Variants in ASXL3 observed in about 807,000 individuals in gnomAD.
The protein encoded by ASXL3 is putative Polycomb group protein ASXL3.
In ASXL3, 34 loss-of-function variants were observed where a neutral mutation model predicts 170.6. The ratio of observed to expected loss-of-function variants is 0.20; its 90% CI spans 0.15 to 0.27. The LOEUF (loss-of-function observed/expected upper bound fraction) is 0.27. Among genes scored for constraint, ASXL3 ranks in the 10% least tolerant of loss-of-function variants. ASXL3 has a pLI of 1.00. For synonymous variants in ASXL3, 1,002 were observed against 989.1 expected (o/e 1.01, Z -0.24); for missense variants, 2,592 against 2,695.3 (o/e 0.96, Z 0.85).
intron 4 of ASXL3, among the ~76,000 whole-genome samples, chr18:33,659,921 GT>G (rs1426182419): frequency 6.6e-6 from 1 of 152,068 alleles, no homozygotes; most frequent in Non-Finnish European, 1.5e-5. Flanking sequence ...ACAATTCTAA[GT>G]TTTTCCTTGT....
chr18:33,695,592 C>T (rs539358356), intron 8 of ASXL3, among the ~76,000 whole-genome samples: 19 of 152,222 alleles, frequency 1.2e-4, no homozygotes, highest in Non-Finnish European at 2.4e-4. Context: ...TGTAAAATAA[C>T]TATAGACTCA....
chr18:33,735,093 T>C (rs949691756), intron 10 of ASXL3, among the ~76,000 whole-genome samples: 1 of 152,204 alleles, frequency 6.6e-6, no homozygotes, highest in East Asian at 1.9e-4. Context: ...GAACTTACTA[T>C]TGACGGTCAC....
At chr18:33,656,040 A>T (rs2066079351) in intron 4 of ASXL3, among the ~76,000 whole-genome samples, 1 of 151,984 alleles carries the variant, frequency 6.6e-6, no homozygotes, top group Non-Finnish European at 1.5e-5. Flanking sequence ...AGTGATTGGC[A>T]TGAGGGAAAG....
chr18:33,595,632 TCTCCCATC>T (rs950517420), intron 1 of ASXL3, among the ~76,000 whole-genome samples: 4 of 152,184 alleles, frequency 2.6e-5, no homozygotes, highest in African/African-American at 9.7e-5. Flanking sequence ...TAACTAGGAC[TCTCCCATC>T]CTCTCTCTGC....
rs539679835 is a variant in ASXL3 at position 33,680,378 on chromosome 18, G to A, written c.716-3027G>A. Among the ~76,000 whole-genome samples, 36 of 152,058 alleles carry A rather than the reference G, an allele frequency of 2.4e-4. 1 individual carries two copies. The South Asian group carries it at 3.9e-3, about 17-fold the overall frequency. On this transcript the variant is annotated intron_variant, in intron 7 of 11. Coordinates refer to ENST00000269197, the MANE Select transcript of ASXL3 (RefSeq NM_030632.3). The stretch of plus-strand genomic sequence containing the variant: ...TTGAGACTCACTGGACAGTTGTGTT[G>A]TGTTTTGTTTTCTTGCTGCTTTTGA...
chr18:33,724,162 AT>A (rs34247823), intron 8 of ASXL3, among the ~76,000 whole-genome samples: 2 of 152,032 alleles, frequency 1.3e-5, no homozygotes, highest in East Asian at 3.9e-4. Context: ...CCTGTATAAC[AT>A]TTTTTATTGA....
rs1599584169 is a variant in ASXL3, at chr18:33,749,335, A to G, written c.*2740A>G. Reference sequence around the variant, plus strand: ...GCAAATGTAGTATATTATTTACTACATGGTTATTGTGGTGTAGTGTGCAAA... The same window carrying G: ...GCAAATGTAGTATATTATTTACTACGTGGTTATTGTGGTGTAGTGTGCAAA... On this transcript the variant is annotated 3_prime_UTR_variant, in exon 12 of 12. Transcript: ENST00000269197. 1 of 152,104 alleles carries G rather than the reference A, an allele frequency of 6.6e-6. No homozygotes were observed. Among genetic ancestry groups the G allele is most frequent in the South Asian group, 2.1e-4 (1 of 4,830 alleles). The allele number at this position is 152,104 out of a possible 1,614,324, so 9.4% of individuals were successfully genotyped here.
chr18:33,593,258 CTTTTTTT>C (rs34699815), intron 1 of ASXL3, among the ~76,000 whole-genome samples: 8 of 87,936 alleles, frequency 9.1e-5, no homozygotes, highest in South Asian at 4.4e-4. Context: ...CTATGCCCAC[CTTTTTTT>C]TTTTTTTTTT....
chr18:33,605,231 C>T (rs192617838), intron 1 of ASXL3, among the ~76,000 whole-genome samples: 2 of 152,112 alleles, frequency 1.3e-5, no homozygotes, highest in East Asian at 1.9e-4. Context: ...CTGTGGCTTG[C>T]CCCACTCAGT....
rs371206369 is a variant in ASXL3 at position 33,744,088 on chromosome 18, G to C, written c.4240G>C (p.Ala1414Pro). The C allele has an allele frequency of 1.2e-6, 2 of 1,613,878 alleles. No homozygotes were observed. The highest frequency in any genetic ancestry group is 1.7e-6 in the Non-Finnish European group (2 of 1,179,910). ...CTCTCTGGTTGCACACCCGACCGTC[G>C]CAATGTTTACTGGAAACATGCTGAC... ...TDSLVAHPTVAMFTGNMLTIN... is the reference protein window; with the variant it reads ...TDSLVAHPTVPMFTGNMLTIN... Residue 1414 changes from alanine (A) to proline (P), a missense_variant, in exon 12 of 12, where the codon GCA (alanine) becomes CCA (proline). By Grantham distance (27) the Ala-to-Pro change is conservative. Coordinates refer to ENST00000269197, the MANE Select transcript of ASXL3 (RefSeq NM_030632.3).
chr18:33,607,594 G>T lies in ASXL3; in HGVS notation c.55G>T (p.Ala19Ser). 6.3e-7 allele frequency: 1 copy of T among 1,578,526 alleles called. No homozygotes were observed. Among genetic ancestry groups the T allele is most frequent in the Admixed American group, 1.8e-5 (1 of 55,534 alleles). The change falls in exon 2 of 12, where the codon GCA (alanine) becomes TCA (serine). Residue 19 changes from alanine (A) to serine (S), a missense_variant and splice_region_variant. Ala to Ser is a moderately conservative substitution (Grantham distance 99). Transcript: ENST00000269197. ...DRTWAEAARLALEKHPNSPMT... is the reference protein window; with the variant it reads ...DRTWAEAARLSLEKHPNSPMT... ...TAGGAATCTTATGTTTATATTTTAG[G>T]CACTAGAAAAACACCCCAACTCACC...
At chr18:33,692,163 G>A (rs1480393262) in intron 8 of ASXL3, among the ~76,000 whole-genome samples, 1 of 152,208 alleles carries the variant, frequency 6.6e-6, no homozygotes, top group African/African-American at 2.4e-5. Flanking sequence ...GGGATATAAT[G>A]TGAGTAAATT....
In ASXL3 at chr18:33,623,936, A is replaced by T. The variant is rs573611994; in HGVS notation, c.137+16260A>T. On this transcript the variant is annotated intron_variant, in intron 2 of 11. Transcript: ENST00000269197. ...CACATTGGGAGGCCATGGCAGGAGGATGGCTTGAGGCCAGGAGTTTAAGAC... is the reference window on the plus strand; with the variant it reads ...CACATTGGGAGGCCATGGCAGGAGGTTGGCTTGAGGCCAGGAGTTTAAGAC... Among the ~76,000 whole-genome samples the T allele has an allele frequency of 3.3e-5, 5 of 152,202 alleles. No homozygotes were observed. The South Asian group carries it at 1.0e-3, about 32-fold the overall frequency.
intron 2 of ASXL3, among the ~76,000 whole-genome samples, chr18:33,622,626 A>T (rs2065532592): frequency 6.6e-6 from 1 of 152,134 alleles, no homozygotes; most frequent in African/African-American, 2.4e-5. Context: ...TTACCCCAGG[A>T]TATCAAGGAA....
intron 2 of ASXL3, among the ~76,000 whole-genome samples, chr18:33,639,720 G>A (rs182714379): frequency 3.3e-5 from 5 of 152,138 alleles, no homozygotes; most frequent in African/African-American, 9.6e-5. Flanking sequence ...TGTACGAATC[G>A]CTATAGTCTA....
In ASXL3 at chr18:33,677,479, T is replaced by C. The variant is rs551037414; in HGVS notation, c.715+5613T>C. 3.3e-5 allele frequency among the ~76,000 whole-genome samples: 5 copies of C among 152,238 alleles called. No individual in the cohort carries two copies. In the South Asian group the frequency reaches 1.0e-3, roughly 32 times the overall value. On this transcript the variant is annotated intron_variant, in intron 7 of 11. Coordinates refer to ENST00000269197, the MANE Select transcript of ASXL3 (RefSeq NM_030632.3). ...AATTGTTAAATATTGCCACAAGATATATTTATATCTAAAAGTTTTCTCCAG... is the reference window on the plus strand; with the variant it reads ...AATTGTTAAATATTGCCACAAGATACATTTATATCTAAAAGTTTTCTCCAG...
At chr18:33,607,912 G>A (rs1327120106) in intron 2 of ASXL3, among the ~76,000 whole-genome samples, 2 of 151,958 alleles carry the variant, frequency 1.3e-5, no homozygotes, top group East Asian at 3.9e-4. Context: ...ACAAAGAACA[G>A]CACTGTGTGA....
intron 2 of ASXL3, among the ~76,000 whole-genome samples, chr18:33,636,661 G>A (rs1224210331): frequency 6.6e-6 from 1 of 152,146 alleles, no homozygotes; most frequent in East Asian, 1.9e-4. Flanking sequence ...GGCTGAGTGA[G>A]GCTAGTGGGG....
At chr18:33,639,338 C>T (rs543432865) in intron 2 of ASXL3, among the ~76,000 whole-genome samples, 1 of 152,244 alleles carries the variant, frequency 6.6e-6, no homozygotes, top group South Asian at 2.1e-4. Context: ...TTGTTGAACT[C>T]AGGCTGACTG....
Sources: allele counts gnomAD v4.1 joint callset (sites outside exome capture counted in the v4.1 genomes callset), GRCh38; gene constraint gnomAD v4.1.1; transcripts MANE v1.5; gene names NCBI Gene and HGNC (gene_info 2026-07-23, HGNC 2026-07-21).